GPHN: variants seen among roughly 807,000 people sequenced by gnomAD.
GPHN encodes gephyrin.
GPHN carries 17 observed loss-of-function variants against 95.5 expected under a neutral mutation model. That is an observed-to-expected ratio of 0.18 (90% CI 0.12 to 0.27). The LOEUF (loss-of-function observed/expected upper bound fraction) is 0.27. Ranked by LOEUF, GPHN falls within the 10% of genes least tolerant of loss-of-function variation. The pLI is 1.00. For missense variants in GPHN, 660 were observed against 978.1 expected (o/e 0.67, Z 4.34); for synonymous variants, 320 against 322.5 (o/e 0.99, Z 0.08).
intron 2 of GPHN, among the ~76,000 whole-genome samples, chr14:66,681,768 A>AT (rs1021155568): frequency 1.3e-5 from 2 of 151,642 alleles, no homozygotes; most frequent in African/African-American, 2.4e-5. Context: ...TATTTCATAA[A>AT]TTTTTTTTAC....
At chr14:66,713,476 G>A (rs2069865805) in intron 2 of GPHN, among the ~76,000 whole-genome samples, 2 of 152,104 alleles carry the variant, frequency 1.3e-5, no homozygotes, top group Admixed American at 6.6e-5. Context: ...TCTCTATTCT[G>A]TTGCATTGGC....
intron 8 of GPHN, among the ~76,000 whole-genome samples, chr14:66,963,006 C>T (rs2069063244): frequency 6.6e-6 from 1 of 151,710 alleles, no homozygotes; most frequent in African/African-American, 2.4e-5. Context: ...ATCTTATCTC[C>T]CTTCAGTTTG....
rs2061381840 is a variant in GPHN, at chr14:66,585,462, G to T, written c.64+76871G>T. Among the ~76,000 whole-genome samples the T allele has an allele frequency of 2.0e-5, 3 of 152,004 alleles. No homozygotes were observed. In the South Asian group the frequency reaches 6.2e-4, roughly 32 times the overall value. On this transcript the variant is annotated intron_variant, in intron 1 of 22. Transcript: ENST00000478722. ...AATGTGTTTGCTCTTGCTTCTCTAG[G>T]TCTTTTAATTGTGATGTTAGGGTGT...
At chr14:67,127,332 GT>G (rs987085045) in intron 17 of GPHN, among the ~76,000 whole-genome samples, 5 of 119,352 alleles carry the variant, frequency 4.2e-5, no homozygotes, top group Non-Finnish European at 6.4e-5. Context: ...GTATTTTTTG[GT>G]TTGTTTGGGT....
the GPHN span, chr14:67,570,174 G>T: frequency 7.6e-6 from 2 of 264,126 alleles, no homozygotes; most frequent in Non-Finnish European, 1.2e-5. Flanking sequence ...TGTTTATTAG[G>T]TTATTATAAA....
In GPHN at chr14:66,927,396, G is replaced by A. The variant is rs190106502; in HGVS notation, c.828+3104G>A. On this transcript the variant is annotated intron_variant, in intron 8 of 22. Transcript: ENST00000478722. ...CTACTAATTTTTGTTTGTTGATTTT[G>A]TATCCTGCCACTTTACTGAATTTGC... is the stretch of plus-strand genomic sequence containing the variant. 3.3e-3 allele frequency among the ~76,000 whole-genome samples: 500 copies of A among 150,092 alleles called. 1 individual carries two copies. The highest frequency in any genetic ancestry group is 0.012 in the African/African-American group (473 of 40,894).
At chr14:67,427,657 G>A in the GPHN span, among the ~76,000 whole-genome samples, 1 of 152,150 alleles carries the variant, frequency 6.6e-6, no homozygotes. Context: ...CACCTACTCT[G>A]AGAAACTCAT....
intron 2 of GPHN, among the ~76,000 whole-genome samples, chr14:66,686,519 A>G (rs78560403): frequency 0.31 from 47,191 of 151,970 alleles, 11,134 homozygotes; most frequent in African/African-American, 0.63. Context: ...GCAATTGTGA[A>G]TGGGAGTTCA....
At chr14:66,561,791 A>G (rs1346558235) in intron 1 of GPHN, among the ~76,000 whole-genome samples, 1 of 152,178 alleles carries the variant, frequency 6.6e-6, no homozygotes, top group Non-Finnish European at 1.5e-5. Context: ...GTTATTATGT[A>G]GTTCTGAAGA....
At chr14:67,646,069 C>G in the GPHN span, among the ~76,000 whole-genome samples, 1 of 152,180 alleles carries the variant, frequency 6.6e-6, no homozygotes, top group Non-Finnish European at 1.5e-5. Context: ...TGGTTAGAGG[C>G]TCCCAGGCCA....
At chr14:66,824,356 A>G in intron 3 of GPHN, 118 bp from the exon 4 acceptor site, 1 of 631,274 alleles carries the variant, frequency 1.6e-6, no homozygotes, top group East Asian at 2.9e-5. Flanking sequence ...AAATTTTCTT[A>G]CTGACTGTTG....
chr14:67,374,035 T>A, the GPHN span, among the ~76,000 whole-genome samples: 28,720 of 151,960 alleles, frequency 0.19, 4,319 homozygotes, highest in East Asian at 0.48. Flanking sequence ...GGTAATGGAA[T>A]ATATATAATT....
the GPHN span, among the ~76,000 whole-genome samples, chr14:67,425,855 C>G: frequency 6.6e-6 from 1 of 151,970 alleles, no homozygotes; most frequent in Non-Finnish European, 1.5e-5. Flanking sequence ...TCCTGAGAGC[C>G]AGCCTGATCC....
At chr14:66,689,879 T>G (rs2067659974) in intron 2 of GPHN, among the ~76,000 whole-genome samples, 1 of 152,080 alleles carries the variant, frequency 6.6e-6, no homozygotes, top group African/African-American at 2.4e-5. Context: ...TTGTGTCATT[T>G]TTCCATTCTG....
chr14:67,431,415 A>C, the GPHN span, among the ~76,000 whole-genome samples: 11 of 150,354 alleles, frequency 7.3e-5, no homozygotes, highest in African/African-American at 2.2e-4. Flanking sequence ...AAAAAAAAAA[A>C]AAAAAACGGT....
intron 2 of GPHN, among the ~76,000 whole-genome samples, chr14:66,741,117 ATCCCATCAGG>A (rs930249128): frequency 5.3e-5 from 8 of 152,270 alleles, no homozygotes; most frequent in African/African-American, 1.9e-4. Context: ...TCCTAAACAC[ATCCCATCAGG>A]TCCCAGCTCC....
chr14:66,684,678 A>T (rs890798594), intron 2 of GPHN, among the ~76,000 whole-genome samples: 4 of 152,158 alleles, frequency 2.6e-5, no homozygotes, highest in Non-Finnish European at 4.4e-5. Flanking sequence ...GAGAGATGCC[A>T]TGGGAGAAAA....
At chr14:67,532,715 G>T in the GPHN span, among the ~76,000 whole-genome samples, 1 of 152,210 alleles carries the variant, frequency 6.6e-6, no homozygotes, top group Non-Finnish European at 1.5e-5. Context: ...CTGGGCTGTC[G>T]TAACTTATTT....
intron 17 of GPHN, among the ~76,000 whole-genome samples, chr14:67,125,503 G>A (rs1318947921): frequency 1.3e-5 from 2 of 152,212 alleles, no homozygotes; most frequent in African/African-American, 4.8e-5. Context: ...AGGGCGAGGT[G>A]CAGTGGCTCA....
Sources: allele counts gnomAD v4.1 joint callset (sites outside exome capture counted in the v4.1 genomes callset), GRCh38; gene constraint gnomAD v4.1.1; transcripts MANE v1.5; gene names NCBI Gene and HGNC (gene_info 2026-07-23, HGNC 2026-07-21).